The following OXR1 variants were observed in gnomAD, a reference collection of about 807,000 sequenced individuals.
The protein encoded by OXR1 is oxidation resistance 1.
A neutral mutation model predicts 104.6 loss-of-function variants in OXR1; 41 were observed. The observed-to-expected ratio is 0.39, with a 90% CI of 0.31 to 0.51. The LOEUF (loss-of-function observed/expected upper bound fraction) is 0.51. Ranked by LOEUF, OXR1 falls within the 20% of genes least tolerant of loss-of-function variation. The pLI is 0.77. For missense variants in OXR1, 955 were observed against 1,031.9 expected (o/e 0.93, Z 1.02); for synonymous variants, 348 against 348.4 (o/e 1.00, Z 0.01).
chr8:106,568,115 G>A (rs1171179518), intron 3 of OXR1, among the ~76,000 whole-genome samples: 1 of 151,964 alleles, frequency 6.6e-6, no homozygotes, highest in African/African-American at 2.4e-5. Context: ...GTTATATCTT[G>A]TTTTCTTCTG....
At chr8:106,435,250 G>A (rs1819522151) in intron 2 of OXR1, among the ~76,000 whole-genome samples, 1 of 152,110 alleles carries the variant, frequency 6.6e-6, no homozygotes, top group South Asian at 2.1e-4. Context: ...TGACAGGAAG[G>A]GGGCCGTGGA....
intron 2 of OXR1, among the ~76,000 whole-genome samples, chr8:106,372,583 T>C (rs1223487905): frequency 6.6e-6 from 1 of 152,142 alleles, no homozygotes; most frequent in Non-Finnish European, 1.5e-5. Context: ...ATTTTACACC[T>C]GACCTTATGT....
chr8:106,592,155 AT>A (rs1421798408), intron 3 of OXR1, among the ~76,000 whole-genome samples: 1 of 152,220 alleles, frequency 6.6e-6, no homozygotes, highest in Non-Finnish European at 1.5e-5. Context: ...CCTTTTCCCT[AT>A]TAAATTAAAA....
At chr8:106,518,457 A>G (rs1813011247) in intron 2 of OXR1, among the ~76,000 whole-genome samples, 1 of 152,240 alleles carries the variant, frequency 6.6e-6, no homozygotes, top group Non-Finnish European at 1.5e-5. Context: ...GTTACTGAGA[A>G]TGCATAGTAA....
chr8:106,579,345 C>T (rs1181531511), intron 3 of OXR1, among the ~76,000 whole-genome samples: 1 of 152,162 alleles, frequency 6.6e-6, no homozygotes, highest in African/African-American at 2.4e-5. Context: ...TCCTGTGTGT[C>T]CTTTCATCTT....
At chr8:106,380,140 A>C (rs1817083301) in intron 2 of OXR1, among the ~76,000 whole-genome samples, 1 of 151,786 alleles carries the variant, frequency 6.6e-6, no homozygotes. Flanking sequence ...CCAGTCCTAA[A>C]CAACTACTAA....
intron 2 of OXR1, among the ~76,000 whole-genome samples, chr8:106,446,681 A>C (rs962918615): frequency 6.6e-6 from 1 of 151,980 alleles, no homozygotes; most frequent in Non-Finnish European, 1.5e-5. Flanking sequence ...CTGCTATTAC[A>C]GCTCTTTGGA....
At chr8:106,707,269 G>A (rs775149976) in intron 9 of OXR1, 124 bp downstream of exon 9, 25 of 798,086 alleles carry the variant, frequency 3.1e-5, no homozygotes, top group Middle Eastern at 2.2e-4. Context: ...ACCCTTGACC[G>A]GTGATTCTCT....
At chr8:106,447,841 G>C in intron 2 of OXR1, 1 of 1,392,158 alleles carries the variant, frequency 7.2e-7, no homozygotes. Flanking sequence ...TGGGATTTGG[G>C]TCTCTTTTTG....
intron 3 of OXR1, among the ~76,000 whole-genome samples, chr8:106,572,953 G>T (rs1484816738): frequency 6.6e-6 from 1 of 152,126 alleles, no homozygotes; most frequent in Admixed American, 6.5e-5. Context: ...CAGGAGAGCT[G>T]ATGTGTAGTT....
chr8:106,594,837 C>A (rs950125800), intron 3 of OXR1, among the ~76,000 whole-genome samples: 13 of 152,148 alleles, frequency 8.5e-5, no homozygotes, highest in Non-Finnish European at 1.9e-4. Context: ...TTACACAATG[C>A]CCCTTGTCTG....
In OXR1 at chr8:106,425,325, A is replaced by G. The variant is rs1050421222; in HGVS notation, c.23+65689A>G. On this transcript the variant is annotated intron_variant, in intron 2 of 16. Coordinates refer to ENST00000517566, the MANE Select transcript of OXR1 (RefSeq NM_001198533.2). ...GCTGTTCTCCCTCCTTAGCCTCCCA[A>G]TGTGCTGGGATTATAAGCATGGGCC... Among the ~76,000 whole-genome samples the G allele has an allele frequency of 7.2e-5, 11 of 151,996 alleles. No homozygotes were observed. In the East Asian group the frequency reaches 1.5e-3, roughly 21 times the overall value.
At chr8:106,452,510 A>C (rs1820371297) in intron 2 of OXR1, among the ~76,000 whole-genome samples, 1 of 152,194 alleles carries the variant, frequency 6.6e-6, no homozygotes, top group Non-Finnish European at 1.5e-5. Context: ...AATCACCACC[A>C]ACAACATTCT....
intron 2 of OXR1, among the ~76,000 whole-genome samples, chr8:106,449,371 C>A (rs1329653378): frequency 6.6e-6 from 1 of 152,174 alleles, no homozygotes; most frequent in Non-Finnish European, 1.5e-5. Context: ...AATAGAATTA[C>A]CAGAAACCTC....
At chr8:106,274,353 A>G (rs1811940544) in intron 1 of OXR1, among the ~76,000 whole-genome samples, 1 of 152,220 alleles carries the variant, frequency 6.6e-6, no homozygotes, top group African/African-American at 2.4e-5. Flanking sequence ...TGTCATTAGC[A>G]CAATGAAGCC....
At chr8:106,535,975 C>G (rs950341797) in intron 3 of OXR1, among the ~76,000 whole-genome samples, 1 of 152,088 alleles carries the variant, frequency 6.6e-6, no homozygotes, top group African/African-American at 2.4e-5. Flanking sequence ...AATCCCAACA[C>G]TTTGGGAGGC....
intron 2 of OXR1, among the ~76,000 whole-genome samples, chr8:106,496,552 C>T (rs966901106): frequency 1.3e-5 from 2 of 152,052 alleles, no homozygotes; most frequent in Admixed American, 1.3e-4. Context: ...AGTACTATAC[C>T]AGGATAGAAA....
intron 2 of OXR1, among the ~76,000 whole-genome samples, chr8:106,418,496 T>A (rs552687736): frequency 3.3e-5 from 5 of 152,142 alleles, no homozygotes; most frequent in South Asian, 2.1e-4. Context: ...TGATTTTTTT[T>A]AATGATGCTA....
intron 3 of OXR1, among the ~76,000 whole-genome samples, chr8:106,522,133 G>A (rs1813306913): frequency 6.6e-6 from 1 of 152,278 alleles, no homozygotes; most frequent in Non-Finnish European, 1.5e-5. Flanking sequence ...TACAGCCATT[G>A]AAGTGTCTTT....
Sources: allele counts gnomAD v4.1 joint callset (sites outside exome capture counted in the v4.1 genomes callset), GRCh38; gene constraint gnomAD v4.1.1; transcripts MANE v1.5; gene names NCBI Gene and HGNC (gene_info 2026-07-23, HGNC 2026-07-21).